Variants in GALNT18 observed in about 807,000 individuals in gnomAD.
GALNT18 encodes the protein GalNAc-transferase 18.
A neutral mutation model predicts 69.5 loss-of-function variants in GALNT18; 44 were observed. The ratio of observed to expected loss-of-function variants is 0.63; its 90% CI spans 0.50 to 0.81. The LOEUF is 0.81. GALNT18 is among the 40% of genes least tolerant of loss of function. The probability of loss-of-function intolerance (pLI) is 0.00; values close to 1 mark genes in which losing one functional copy is unlikely to be tolerated. For synonymous variants in GALNT18, 364 were observed against 318.2 expected, an observed-to-expected ratio of 1.14 and a Z score of -1.53; for missense variants, 715 against 810.0, an observed-to-expected ratio of 0.88 and a Z score of 1.42.
intron 8 of GALNT18, among the ~76,000 whole-genome samples, chr11:11,331,059 G>A (rs10765835): frequency 0.17 from 26,602 of 152,182 alleles, 3,328 homozygotes; most frequent in African/African-American, 0.36. Context: ...CTTGCTATGG[G>A]TGGAGTGTGG....
chr11:11,512,059 T>A (rs1316532534), intron 1 of GALNT18, among the ~76,000 whole-genome samples: 3 of 152,154 alleles, frequency 2.0e-5, no homozygotes, highest in Non-Finnish European at 4.4e-5. Context: ...ACAGAGTTAC[T>A]CCCATAATTT....
At chr11:11,581,212 C>T (rs1045287615) in intron 1 of GALNT18, among the ~76,000 whole-genome samples, 7 of 152,204 alleles carry the variant, frequency 4.6e-5, no homozygotes, top group African/African-American at 1.7e-4. Flanking sequence ...CCCGACAGCA[C>T]TGTCCATGCT....
At chr11:11,597,126 A>C (rs1859519361) in intron 1 of GALNT18, among the ~76,000 whole-genome samples, 1 of 152,202 alleles carries the variant, frequency 6.6e-6, no homozygotes, top group Non-Finnish European at 1.5e-5. Flanking sequence ...CCAACCAGGA[A>C]TTCTTGGAAT....
rs1856050500 is a variant in GALNT18 at position 11,461,821 on chromosome 11, C to A, written c.236-12885G>T. ...GGACAGCCTGCAGCCCAGAACAATG[C>A]CAGACGCCATGACTCCTTTCAAGGC... is the stretch of plus-strand genomic sequence containing the variant. On this transcript the variant is annotated intron_variant, in intron 1 of 10. Transcript: ENST00000227756. This position sits in a 1 kb window ranked among gnomAD's most constrained non-coding sequence, Gnocchi z 4.1. 6.6e-6 allele frequency among the ~76,000 whole-genome samples: 1 copy of A among 152,218 alleles called. No individual in the cohort carries two copies. The highest frequency in any genetic ancestry group is 1.5e-5 in the Non-Finnish European group (1 of 68,052).
intron 1 of GALNT18, among the ~76,000 whole-genome samples, chr11:11,522,361 A>G (rs1278439069): frequency 6.6e-6 from 1 of 152,186 alleles, no homozygotes; most frequent in Non-Finnish European, 1.5e-5. Flanking sequence ...ACAGGACTTA[A>G]GGCTAAGAAC....
intron 9 of GALNT18, among the ~76,000 whole-genome samples, chr11:11,301,572 C>A (rs951587178): frequency 6.6e-6 from 1 of 152,204 alleles, no homozygotes; most frequent in Non-Finnish European, 1.5e-5. Flanking sequence ...TGACGACATA[C>A]ATGTGTAAGG....
chr11:11,451,070 T>C (rs1487122), intron 1 of GALNT18, among the ~76,000 whole-genome samples: 133,660 of 152,214 alleles, frequency 0.88, 59,371 homozygotes, highest in Non-Finnish European at 0.94. Flanking sequence ...TAGGATATAC[T>C]GAAGAATAAA....
chr11:11,512,167 A>G (rs1167282116), intron 1 of GALNT18, among the ~76,000 whole-genome samples: 2 of 152,096 alleles, frequency 1.3e-5, no homozygotes. Flanking sequence ...TCCATCTGAA[A>G]CCGCCTGCCC....
chr11:11,282,530 A>AGTG (rs1427969120), intron 10 of GALNT18, among the ~76,000 whole-genome samples: 1 of 152,192 alleles, frequency 6.6e-6, no homozygotes, highest in Non-Finnish European at 1.5e-5. Flanking sequence ...AGCAGTAAGT[A>AGTG]GTGGCAGCCT....
chr11:11,334,297 C>T (rs978133327), intron 7 of GALNT18, among the ~76,000 whole-genome samples: 3 of 152,168 alleles, frequency 2.0e-5, no homozygotes, highest in Admixed American at 6.5e-5. Flanking sequence ...AATCCCAGCA[C>T]TTTGGGAGGC....
At position 11,320,264 on chromosome 11, in the gene GALNT18, C is replaced by T. The variant is rs1849821292; in HGVS notation, c.1512+6822G>A. The stretch of plus-strand genomic sequence containing the variant: ...GTTTTCATAGAAGAGGTCAGAAATA[C>T]CGTTACCCTGGCTTGGTCTATATTC... On this transcript the variant is annotated intron_variant, in intron 9 of 10. Coordinates refer to ENST00000227756, the MANE Select transcript of GALNT18 (RefSeq NM_198516.3). This position sits in a 1 kb window ranked among gnomAD's most constrained non-coding sequence, Gnocchi z 4.9. 6.6e-6 allele frequency among the ~76,000 whole-genome samples: 1 copy of T among 152,214 alleles called. No homozygotes were observed. The highest frequency in any genetic ancestry group is 6.5e-5 in the Admixed American group (1 of 15,282).
At chr11:11,452,715 A>G (rs59220287) in intron 1 of GALNT18, among the ~76,000 whole-genome samples, 3,789 of 152,272 alleles carry the variant, frequency 0.025, 155 homozygotes, top group African/African-American at 0.087. Flanking sequence ...TGGGTCTTCT[A>G]CAGGGGTCCT....
intron 3 of GALNT18, among the ~76,000 whole-genome samples, chr11:11,399,262 G>A (rs1172091073): frequency 6.6e-6 from 1 of 152,136 alleles, no homozygotes; most frequent in Admixed American, 6.5e-5. Context: ...CTGGCACCCT[G>A]ATCACAGAAC....
chr11:11,327,860 C>T (rs1268919763), intron 8 of GALNT18, among the ~76,000 whole-genome samples: 1 of 152,242 alleles, frequency 6.6e-6, no homozygotes, highest in East Asian at 1.9e-4. Flanking sequence ...CTTGGAAGGG[C>T]AGCCCATAGA....
In GALNT18 at chr11:11,571,738, G is replaced by A. The variant is rs1053322809; in HGVS notation, c.235+49621C>T. Among the ~76,000 whole-genome samples the A allele has an allele frequency of 4.6e-5, 7 of 152,184 alleles. No individual in the cohort carries two copies. In the South Asian group the frequency reaches 1.0e-3, roughly 22 times the overall value. On this transcript the variant is annotated intron_variant, in intron 1 of 10. Transcript: ENST00000227756. ...CTCCACAAATCCCATAACACGTAAT[G>A]AGGTTATTTTATCTAGAAAGATATC...
chr11:11,534,775 A>G (rs1254769100), intron 1 of GALNT18, among the ~76,000 whole-genome samples: 1 of 152,260 alleles, frequency 6.6e-6, no homozygotes, highest in Non-Finnish European at 1.5e-5. Context: ...TGTGTTTACA[A>G]ATACAACTGC....
At chr11:11,552,415 G>T (rs969178718) in intron 1 of GALNT18, among the ~76,000 whole-genome samples, 1 of 152,224 alleles carries the variant, frequency 6.6e-6, no homozygotes, top group Non-Finnish European at 1.5e-5. Flanking sequence ...AAGACCAAGA[G>T]CTTCTGGAAG....
chr11:11,393,743 G>A (rs1225035040), intron 3 of GALNT18, among the ~76,000 whole-genome samples: 1 of 152,238 alleles, frequency 6.6e-6, no homozygotes, highest in Non-Finnish European at 1.5e-5. Flanking sequence ...AAGACTATCA[G>A]CCCATCTTCT....
rs1351919972 is a variant in GALNT18 at position 11,480,039 on chromosome 11, G to T, written c.236-31103C>A. On this transcript the variant is annotated intron_variant, in intron 1 of 10. Transcript: ENST00000227756. The surrounding 1 kb of genome is among the most constrained non-coding windows in gnomAD (Gnocchi z 4.6). ...CACCAGGAGGCTAGAGAAGAGAGAT[G>T]GGAGAGTTTGTAGATCTTGGAGCGG... Among the ~76,000 whole-genome samples, 2 of 152,076 alleles carry T rather than the reference G, an allele frequency of 1.3e-5. No individual in the cohort carries two copies. Among genetic ancestry groups the T allele is most frequent in the Non-Finnish European group, 2.9e-5 (2 of 68,026 alleles).
Sources: allele counts gnomAD v4.1 joint callset (sites outside exome capture counted in the v4.1 genomes callset), GRCh38; gene constraint gnomAD v4.1.1; non-coding constraint Gnocchi (gnomAD v3.1); transcripts MANE v1.5; gene names NCBI Gene and HGNC (gene_info 2026-07-23, HGNC 2026-07-21).